Variants in LARGE1 observed in about 807,000 individuals in gnomAD.
LARGE1 encodes LARGE xylosyl- and glucuronyltransferase 1, also known as xylosyl- and glucuronyltransferase LARGE1.
Under a neutral mutation model 87.6 loss-of-function variants are expected in LARGE1, and 43 were observed. The ratio of observed to expected loss-of-function variants is 0.49; its 90% CI spans 0.38 to 0.63. The LOEUF is 0.63. Among genes scored for constraint, LARGE1 ranks in the 30% least tolerant of loss-of-function variants. The pLI, the probability that LARGE1 is intolerant of heterozygous loss-of-function variation, is 0.00. For missense variants in LARGE1, 802 were observed against 1,000.2 expected, an observed-to-expected ratio of 0.80 and a Z score of 2.67; for synonymous variants, 434 against 394.6, an observed-to-expected ratio of 1.10 and a Z score of -1.18.
At chr22:33,222,036 T>G (rs1925482669) in intron 11 of LARGE1, among the ~76,000 whole-genome samples, 2 of 152,220 alleles carry the variant, frequency 1.3e-5, no homozygotes, top group Admixed American at 1.3e-4. Context: ...CCCTCTCTTT[T>G]CCTTCCTACC....
In LARGE1 at chr22:33,591,502, G is replaced by T. The variant is rs554700950; in HGVS notation, c.615+12933C>A. Among the ~76,000 whole-genome samples the T allele has an allele frequency of 3.3e-5, 5 of 152,208 alleles. No individual in the cohort carries two copies. In the South Asian group the frequency reaches 1.0e-3, roughly 32 times the overall value. ...AATATGTTGCTCATTTCTAAATTGGGTTGTTTTCTTATTATTGGTGTAAGA... is the reference window on the plus strand; with the variant it reads ...AATATGTTGCTCATTTCTAAATTGGTTTGTTTTCTTATTATTGGTGTAAGA... On this transcript the variant is annotated intron_variant, in intron 5 of 14. Transcript: ENST00000397394.
chr22:33,843,289 G>A (rs987445196), intron 1 of LARGE1, among the ~76,000 whole-genome samples: 15 of 151,736 alleles, frequency 9.9e-5, no homozygotes, highest in Admixed American at 2.0e-4. Flanking sequence ...TTGGCACTTT[G>A]GGCCAGGCAC....
intron 12 of LARGE1, 80 bp downstream of exon 12, chr22:33,304,149 C>A: frequency 6.6e-7 from 1 of 1,516,906 alleles, no homozygotes. Context: ...TAGATGATGA[C>A]CCTAAGGGCC....
chr22:33,428,318 CT>C (rs34881147), intron 7 of LARGE1, among the ~76,000 whole-genome samples: 64,349 of 132,724 alleles, frequency 0.48, 14,404 homozygotes, highest in Non-Finnish European at 0.52. Context: ...TTTGTTATGT[CT>C]TTTTTTTTTT....
the LARGE1 span, among the ~76,000 whole-genome samples, chr22:33,093,745 C>G: frequency 6.6e-6 from 1 of 151,030 alleles, no homozygotes; most frequent in Non-Finnish European, 1.5e-5. Flanking sequence ...CTATTCTGCA[C>G]TGGGTGTGGG....
chr22:33,124,349 A>AAGGAAGGAAGGAAGGAAGG, the LARGE1 span, among the ~76,000 whole-genome samples: 13 of 37,380 alleles, frequency 3.5e-4, no homozygotes, highest in Admixed American at 3.2e-3. Flanking sequence ...AGAGACAAAG[A>AAGGAAGGAAGGAAGGAAGG]AAGGAAAGAA....
intron 7 of LARGE1, among the ~76,000 whole-genome samples, chr22:33,416,483 T>A (rs535806617): frequency 1.3e-5 from 2 of 152,166 alleles, no homozygotes; most frequent in Non-Finnish European, 2.9e-5. Context: ...GCAGGCCACA[T>A]TGCATTTCAC....
At chr22:33,676,538 A>C (rs1199919540) in intron 2 of LARGE1, among the ~76,000 whole-genome samples, 2 of 151,810 alleles carry the variant, frequency 1.3e-5, no homozygotes, top group Non-Finnish European at 2.9e-5. Context: ...ATAAAAAGCT[A>C]AATCTACAAT....
chr22:33,230,551 A>C (rs148694506), intron 11 of LARGE1, among the ~76,000 whole-genome samples: 4 of 152,328 alleles, frequency 2.6e-5, no homozygotes, highest in African/African-American at 4.8e-5. Context: ...CCCAAGAAAA[A>C]GAAAGGAAGC....
At position 33,631,342 on chromosome 22, in the gene LARGE1, T is replaced by C. The variant is rs866211162; in HGVS notation, c.409-5016A>G. ...ACCACTGTGCCTGGCTCTTAACTTTTTGACTGTTTTATAACAACACATAGC... is the reference window on the plus strand; with the variant it reads ...ACCACTGTGCCTGGCTCTTAACTTTCTGACTGTTTTATAACAACACATAGC... On this transcript the variant is annotated intron_variant, in intron 3 of 14. Transcript: ENST00000397394. Among the ~76,000 whole-genome samples, 50 of 152,352 alleles carry C rather than the reference T, an allele frequency of 3.3e-4. 1 individual carries two copies. Among genetic ancestry groups the C allele is most frequent in the African/African-American group, 1.1e-3 (47 of 41,580 alleles).
chr22:33,186,585 A>G (rs1368814191), intron 11 of LARGE1, among the ~76,000 whole-genome samples: 1 of 152,190 alleles, frequency 6.6e-6, no homozygotes, highest in Non-Finnish European at 1.5e-5. Context: ...AAGATTTGAA[A>G]TTAATTAAGT....
chr22:33,824,886 A>G (rs2062736448), intron 1 of LARGE1, among the ~76,000 whole-genome samples: 3 of 152,230 alleles, frequency 2.0e-5, no homozygotes, highest in African/African-American at 2.4e-5. Flanking sequence ...GTCCAGCAAC[A>G]TATTTTTGCA....
chr22:33,745,639 G>T (rs559243213), intron 2 of LARGE1, among the ~76,000 whole-genome samples: 1 of 152,284 alleles, frequency 6.6e-6, no homozygotes, highest in South Asian at 2.1e-4. Flanking sequence ...AAAGGCGAGG[G>T]CCCGGTTCTC....
At chr22:33,592,593 C>T (rs1219377788) in intron 5 of LARGE1, among the ~76,000 whole-genome samples, 1 of 152,158 alleles carries the variant, frequency 6.6e-6, no homozygotes, top group African/African-American at 2.4e-5. Flanking sequence ...TTATTATTTG[C>T]GTATGTTCTG....
At chr22:33,219,602 T>G (rs1925364254) in intron 11 of LARGE1, among the ~76,000 whole-genome samples, 1 of 152,232 alleles carries the variant, frequency 6.6e-6, no homozygotes, top group African/African-American at 2.4e-5. Context: ...GGCATTTCTG[T>G]GGAAAGGGAC....
At chr22:33,820,889 G>C (rs1361891519) in intron 1 of LARGE1, among the ~76,000 whole-genome samples, 4 of 152,066 alleles carry the variant, frequency 2.6e-5, no homozygotes, top group African/African-American at 9.7e-5. Flanking sequence ...CCTGGGCTAA[G>C]TGCACCACCC....
chr22:33,097,697 T>C, the LARGE1 span, among the ~76,000 whole-genome samples: 113 of 152,336 alleles, frequency 7.4e-4, no homozygotes, highest in Admixed American at 1.3e-3. Flanking sequence ...ATTTCTAATA[T>C]GGCTATAGCT....
chr22:33,365,459 T>A (rs1311792811), intron 9 of LARGE1, among the ~76,000 whole-genome samples: 1 of 152,186 alleles, frequency 6.6e-6, no homozygotes, highest in Non-Finnish European at 1.5e-5. Context: ...AGGCTATATA[T>A]CTTTTCATGT....
chr22:33,312,120 G>A (rs182406980), intron 11 of LARGE1, among the ~76,000 whole-genome samples: 4 of 152,220 alleles, frequency 2.6e-5, no homozygotes, highest in Admixed American at 2.6e-4. Flanking sequence ...AACAACCTTA[G>A]GGATGAGGAT....
Sources: gnomAD v4.1 joint callset for allele counts (sites outside exome capture counted in the v4.1 genomes callset) on GRCh38, gnomAD v4.1.1 for gene constraint, MANE v1.5 for transcripts, NCBI Gene and HGNC (gene_info 2026-07-23, HGNC 2026-07-21) for gene names.